GRIA4: variants seen among roughly 807,000 people sequenced by gnomAD.
The protein encoded by GRIA4 is glutamate receptor 4.
Under a neutral mutation model 104.0 loss-of-function variants are expected in GRIA4, and 34 were observed. The observed-to-expected ratio is 0.33, with a 90% CI of 0.25 to 0.44. The LOEUF is 0.44. GRIA4 is among the 20% of genes least tolerant of loss of function. The probability of loss-of-function intolerance (pLI) is 1.00; values close to 1 mark genes in which losing one functional copy is unlikely to be tolerated. For missense variants in GRIA4, 750 were observed against 1,096.5 expected (o/e 0.68, Z 4.46); for synonymous variants, 386 against 381.9 (o/e 1.01, Z -0.13).
chr11:105,731,526 G>T (rs1938586322), intron 3 of GRIA4, among the ~76,000 whole-genome samples: 1 of 152,114 alleles, frequency 6.6e-6, no homozygotes. Context: ...TCATTACTGG[G>T]TATATACCCA....
intron 3 of GRIA4, among the ~76,000 whole-genome samples, chr11:105,649,277 CAATT>C (rs911554217): frequency 1.6e-4 from 24 of 151,838 alleles, no homozygotes; most frequent in Middle Eastern, 6.8e-3. Flanking sequence ...TTTTAAAAGA[CAATT>C]AATTATTTTG....
At chr11:105,922,677 G>T (rs971342853) in intron 11 of GRIA4, among the ~76,000 whole-genome samples, 4 of 151,986 alleles carry the variant, frequency 2.6e-5, no homozygotes, top group Admixed American at 6.6e-5. Flanking sequence ...AAGAGAAAAA[G>T]AATTGTAAGA....
At chr11:105,948,033 C>T (rs1465299065) in intron 14 of GRIA4, among the ~76,000 whole-genome samples, 1 of 152,060 alleles carries the variant, frequency 6.6e-6, no homozygotes, top group African/African-American at 2.4e-5. Flanking sequence ...GATGTGAGCC[C>T]CCATGTATCT....
intron 3 of GRIA4, among the ~76,000 whole-genome samples, chr11:105,718,505 A>C (rs1415374913): frequency 6.6e-6 from 1 of 152,212 alleles, no homozygotes; most frequent in Admixed American, 6.6e-5. Flanking sequence ...TGGATATTTG[A>C]GGGAGGTGGA....
intron 3 of GRIA4, among the ~76,000 whole-genome samples, chr11:105,631,043 CACCTTGTTTATT>C (rs1375306185): frequency 6.6e-6 from 1 of 152,156 alleles, no homozygotes; most frequent in African/African-American, 2.4e-5. Flanking sequence ...TTCTACTCCC[CACCTTGTTTATT>C]ACAAAGTATC....
chr11:105,619,405 T>TATG (rs1950684442), intron 3 of GRIA4, among the ~76,000 whole-genome samples: 1 of 151,974 alleles, frequency 6.6e-6, no homozygotes, highest in African/African-American at 2.4e-5. Flanking sequence ...ATTGTATGTC[T>TATG]GAGCCAATTT....
intron 14 of GRIA4, among the ~76,000 whole-genome samples, chr11:105,956,629 A>C (rs1233567970): frequency 6.6e-6 from 1 of 152,184 alleles, no homozygotes; most frequent in African/African-American, 2.4e-5. Flanking sequence ...ATGCAGTAAC[A>C]GGATGGCTGG....
chr11:105,631,930 T>C (rs2135312655), intron 3 of GRIA4, among the ~76,000 whole-genome samples: 1 of 152,170 alleles, frequency 6.6e-6, no homozygotes, highest in Admixed American at 6.5e-5. Context: ...TAAAAGAGTG[T>C]TGAAGAGAGC....
intron 4 of GRIA4, among the ~76,000 whole-genome samples, chr11:105,765,652 A>G (rs979268472): frequency 3.3e-5 from 5 of 152,202 alleles, no homozygotes; most frequent in Admixed American, 6.5e-5. Context: ...CCAGCTAACT[A>G]CAGCCTGTGG....
intron 3 of GRIA4, among the ~76,000 whole-genome samples, chr11:105,628,312 T>G (rs1170801033): frequency 1.3e-5 from 2 of 152,202 alleles, no homozygotes; most frequent in Non-Finnish European, 2.9e-5. Flanking sequence ...TATAAATCAC[T>G]ATATTTGTTA....
intron 3 of GRIA4, among the ~76,000 whole-genome samples, chr11:105,617,966 C>T (rs1327822274): frequency 2.0e-5 from 3 of 151,852 alleles, no homozygotes; most frequent in Non-Finnish European, 2.9e-5. Flanking sequence ...GGCATGGCAT[C>T]CTAAGGATGA....
chr11:105,844,128 A>G lies in GRIA4; in HGVS notation c.488-17896A>G, dbSNP rs1461177015. Among the ~76,000 whole-genome samples the G allele has an allele frequency of 5.9e-5, 9 of 152,308 alleles. No homozygotes were observed. The East Asian group carries it at 1.5e-3, about 26-fold the overall frequency. ...TTGAAATTGTCTTGGTAGCTATGAT[A>G]AATTGTACAGTCACCCTACTTATAA... On this transcript the variant is annotated intron_variant, in intron 4 of 16. Coordinates refer to ENST00000282499, the MANE Select transcript of GRIA4 (RefSeq NM_000829.4).
intron 3 of GRIA4, among the ~76,000 whole-genome samples, chr11:105,631,521 A>G (rs981414856): frequency 2.6e-5 from 4 of 152,218 alleles, no homozygotes; most frequent in Non-Finnish European, 5.9e-5. Flanking sequence ...ATAGATAACA[A>G]ACTATTTATC....
intron 4 of GRIA4, among the ~76,000 whole-genome samples, chr11:105,759,537 A>G (rs1421422882): frequency 6.6e-6 from 1 of 152,112 alleles, no homozygotes; most frequent in African/African-American, 2.4e-5. Flanking sequence ...CTCTTCATAT[A>G]AAGTCCAAAT....
At chr11:105,699,362 T>C (rs1030296194) in intron 3 of GRIA4, among the ~76,000 whole-genome samples, 2 of 152,136 alleles carry the variant, frequency 1.3e-5, no homozygotes, top group African/African-American at 4.8e-5. Flanking sequence ...AGCTGCACTC[T>C]CTATACAAGA....
chr11:105,679,527 C>A (rs1480166486), intron 3 of GRIA4, among the ~76,000 whole-genome samples: 1 of 152,090 alleles, frequency 6.6e-6, no homozygotes, highest in Admixed American at 6.6e-5. Context: ...AATTGAGCAA[C>A]CCTTATCCCA....
intron 3 of GRIA4, among the ~76,000 whole-genome samples, chr11:105,657,747 G>T (rs1951886059): frequency 6.6e-6 from 1 of 151,828 alleles, no homozygotes; most frequent in African/African-American, 2.4e-5. Context: ...AAATGTTTCT[G>T]ATTTTTATTT....
intron 3 of GRIA4, among the ~76,000 whole-genome samples, chr11:105,726,367 T>G (rs1343970388): frequency 6.6e-6 from 1 of 152,112 alleles, no homozygotes; most frequent in Non-Finnish European, 1.5e-5. Flanking sequence ...GCAAGGCATC[T>G]CTGAAAGAAA....
chr11:105,750,464 A>G (rs1939933489), intron 3 of GRIA4, among the ~76,000 whole-genome samples: 2 of 152,080 alleles, frequency 1.3e-5, no homozygotes, highest in South Asian at 2.1e-4. Context: ...GTAAGTATAT[A>G]TGAATAGAGG....
Sources: allele counts gnomAD v4.1 joint callset (sites outside exome capture counted in the v4.1 genomes callset), GRCh38; gene constraint gnomAD v4.1.1; transcripts MANE v1.5; gene names NCBI Gene and HGNC (gene_info 2026-07-23, HGNC 2026-07-21).